The following ANKS1B variants were observed in gnomAD, a reference collection of about 807,000 sequenced individuals.
ANKS1B encodes ankyrin repeat and sterile alpha motif domain containing 1B.
A neutral mutation model predicts 148.3 loss-of-function variants in ANKS1B; 36 were observed. The observed-to-expected ratio is 0.24, with a 90% CI of 0.19 to 0.32. ANKS1B has a LOEUF of 0.32. ANKS1B is among the 10% of genes least tolerant of loss of function. ANKS1B has a pLI of 1.00. For synonymous variants in ANKS1B, 542 were observed against 560.8 expected (o/e 0.97, Z 0.47); for missense variants, 1,157 against 1,542.6 (o/e 0.75, Z 4.19).
chr12:99,383,344 T>A (rs976942819), intron 12 of ANKS1B, among the ~76,000 whole-genome samples: 1 of 152,158 alleles, frequency 6.6e-6, no homozygotes, highest in African/African-American at 2.4e-5. Context: ...TATGTGGCGA[T>A]GAAAATGCAG....
chr12:99,160,128 T>C (rs1427014707), intron 14 of ANKS1B, among the ~76,000 whole-genome samples: 4 of 152,206 alleles, frequency 2.6e-5, no homozygotes, highest in Non-Finnish European at 4.4e-5. Context: ...ATATTAGATG[T>C]TTGTTGGAAG....
chr12:99,119,686 A>G (rs1191580684), intron 15 of ANKS1B, among the ~76,000 whole-genome samples: 1 of 152,120 alleles, frequency 6.6e-6, no homozygotes, highest in Non-Finnish European at 1.5e-5. Context: ...CCTACTTACA[A>G]GTTGAAATTG....
chr12:99,477,984 A>G (rs1595583369), intron 10 of ANKS1B, among the ~76,000 whole-genome samples: 2 of 152,314 alleles, frequency 1.3e-5, no homozygotes, highest in Non-Finnish European at 2.9e-5. Context: ...TCACCAGTAG[A>G]CAAAGAATAA....
chr12:99,958,359 A>C (rs1287444776), intron 1 of ANKS1B, among the ~76,000 whole-genome samples: 1 of 152,160 alleles, frequency 6.6e-6, no homozygotes, highest in Non-Finnish European at 1.5e-5. Flanking sequence ...TTCATTAAGC[A>C]ATGGCAAGCC....
Position 99,429,000 on chromosome 12 carries a change from G to A in ANKS1B, c.1575+14673C>T, listed in dbSNP as rs118150738. 6.2e-3 allele frequency among the ~76,000 whole-genome samples: 938 copies of A among 152,246 alleles called. 2 individuals are homozygous for A. Among genetic ancestry groups the A allele is most frequent in the Non-Finnish European group, 0.01 (692 of 68,010 alleles). On this transcript the variant is annotated intron_variant, in intron 11 of 26. Transcript: ENST00000683438. Reference sequence around the variant, plus strand: ...CAAAACCAATAATAATAATAATGGAGTATAACTAACTCAATAAAATAGGAA... The same window carrying A: ...CAAAACCAATAATAATAATAATGGAATATAACTAACTCAATAAAATAGGAA...
chr12:99,334,234 A>C (rs1391407292), intron 12 of ANKS1B, among the ~76,000 whole-genome samples: 8 of 152,020 alleles, frequency 5.3e-5, no homozygotes, highest in Admixed American at 5.3e-4. Flanking sequence ...AGATAGAAGC[A>C]CAGTATATCT....
At chr12:99,538,240 G>T (rs540290443) in intron 9 of ANKS1B, among the ~76,000 whole-genome samples, 2 of 151,954 alleles carry the variant, frequency 1.3e-5, no homozygotes, top group South Asian at 2.1e-4. Context: ...GGCTATTCTG[G>T]TTTTTTTGTG....
chr12:98,897,042 C>G (rs1258635631), intron 17 of ANKS1B, among the ~76,000 whole-genome samples: 1 of 152,194 alleles, frequency 6.6e-6, no homozygotes, highest in East Asian at 1.9e-4. Context: ...CCTCTGCACT[C>G]TAGAGTCATT....
intron 11 of ANKS1B, among the ~76,000 whole-genome samples, chr12:99,403,152 CTTTTTTTTTTTTTTTT>C (rs143800860): frequency 0.015 from 1,065 of 73,220 alleles, 144 homozygotes; most frequent in African/African-American, 0.066. Flanking sequence ...ACTTTTCTTT[CTTTTTTTTTTTTTTTT>C]TTTTTTTTTT....
intron 17 of ANKS1B, among the ~76,000 whole-genome samples, chr12:99,040,935 C>G (rs1051607301): frequency 6.6e-6 from 1 of 152,134 alleles, no homozygotes; most frequent in Admixed American, 6.5e-5. Flanking sequence ...TCCGAGTCCC[C>G]AGTCTCCTCC....
chr12:99,284,247 T>A (rs922035238), intron 12 of ANKS1B, among the ~76,000 whole-genome samples: 2 of 152,204 alleles, frequency 1.3e-5, no homozygotes, highest in East Asian at 3.9e-4. Flanking sequence ...CCCAGTTGGA[T>A]TTAAATTGTG....
intron 9 of ANKS1B, among the ~76,000 whole-genome samples, chr12:99,515,552 C>T (rs932289503): frequency 2.0e-5 from 3 of 152,088 alleles, no homozygotes; most frequent in Non-Finnish European, 2.9e-5. Context: ...ATAAGTACCA[C>T]AGTTTCTGTA....
chr12:98,982,243 A>T (rs1031662399), intron 17 of ANKS1B, among the ~76,000 whole-genome samples: 1 of 152,182 alleles, frequency 6.6e-6, no homozygotes, highest in East Asian at 1.9e-4. Context: ...ATCACCTGAG[A>T]TCTTGTTAAG....
chr12:99,444,168 G>C (rs2095597207), intron 10 of ANKS1B, among the ~76,000 whole-genome samples: 1 of 151,876 alleles, frequency 6.6e-6, no homozygotes, highest in Non-Finnish European at 1.5e-5. Context: ...TTGGGCTAAA[G>C]CTTTCCCAAT....
intron 17 of ANKS1B, among the ~76,000 whole-genome samples, chr12:98,908,822 C>T (rs1007213258): frequency 6.6e-6 from 1 of 152,142 alleles, no homozygotes; most frequent in African/African-American, 2.4e-5. Flanking sequence ...ACAGGAGTGA[C>T]AGTATGTCCT....
At chr12:99,771,042 A>G (rs536683405) in intron 8 of ANKS1B, among the ~76,000 whole-genome samples, 1 of 152,062 alleles carries the variant, frequency 6.6e-6, no homozygotes, top group Non-Finnish European at 1.5e-5. Context: ...TCTTTTCCCC[A>G]AACTATTATC....
chr12:99,520,679 A>G (rs943430822), intron 9 of ANKS1B, among the ~76,000 whole-genome samples: 11 of 152,154 alleles, frequency 7.2e-5, no homozygotes, highest in Admixed American at 2.0e-4. Context: ...CCTCCTCTTT[A>G]AGGCCAATAA....
intron 8 of ANKS1B, among the ~76,000 whole-genome samples, chr12:99,687,610 T>C (rs986315621): frequency 5.9e-5 from 9 of 152,178 alleles, no homozygotes; most frequent in African/African-American, 2.2e-4. Context: ...TCTCTGTTAT[T>C]AATCTCATCT....
intron 10 of ANKS1B, among the ~76,000 whole-genome samples, chr12:99,472,458 T>A (rs920707271): frequency 2.1e-4 from 32 of 152,230 alleles, no homozygotes; most frequent in African/African-American, 7.0e-4. Flanking sequence ...GGATGTTAAA[T>A]TAATAAATAC....
Sources: gnomAD v4.1 joint callset for allele counts (sites outside exome capture counted in the v4.1 genomes callset) on GRCh38, gnomAD v4.1.1 for gene constraint, MANE v1.5 for transcripts, NCBI Gene and HGNC (gene_info 2026-07-23, HGNC 2026-07-21) for gene names.